Variants in ARAP1 observed in about 807,000 individuals in gnomAD.
ARAP1 encodes the protein ArfGAP with RhoGAP domain, ankyrin repeat and PH domain 1, also known as arf-GAP with Rho-GAP domain, ANK repeat and PH domain-containing protein 1.
Under a neutral mutation model 172.2 loss-of-function variants are expected in ARAP1, and 76 were observed. The observed-to-expected ratio is 0.44, with a 90% CI of 0.37 to 0.53. ARAP1 has a LOEUF of 0.53. Among genes scored for constraint, ARAP1 ranks in the 20% least tolerant of loss-of-function variants. ARAP1 has a pLI of 0.00. For missense variants in ARAP1, 1,686 were observed against 1,977.5 expected (o/e 0.85, Z 2.80); for synonymous variants, 804 against 803.3 (o/e 1.00, Z -0.01).
chr11:72,687,466 C>A lies in ARAP1; in HGVS notation c.4158G>T (p.Glu1386Asp), dbSNP rs769144837. The A allele has an allele frequency of 1.2e-6, 2 of 1,614,078 alleles. No homozygotes were observed. The highest frequency in any genetic ancestry group is 2.7e-5 in the African/African-American group (2 of 74,914). Residue 1386 changes from glutamate (E) to aspartate (D), a missense_variant, in exon 33 of 35, where the codon GAG (glutamate) becomes GAT (aspartate). Coordinates refer to ENST00000393609, the MANE Select transcript of ARAP1 (RefSeq NM_001040118.3). The part of the protein sequence containing the change: ...LCCDTQMELR[E>D]WFATFLFVQH... ...GCACAAACAGAAAGGTAGCGAACCACTCCCGGAGCTCCATCTGTGTGTCAC... is the reference window on the plus strand; with the variant it reads ...GCACAAACAGAAAGGTAGCGAACCAATCCCGGAGCTCCATCTGTGTGTCAC...
In ARAP1 at chr11:72,693,148, G is replaced by C; in HGVS notation, c.3954+177C>G. 1.0e-6 allele frequency: 1 copy of C among 996,548 alleles called. No homozygotes were observed. The highest frequency in any genetic ancestry group is 3.2e-4 in the Middle Eastern group (1 of 3,112). The allele number at this position is 996,548 out of a possible 1,614,324, so 61.7% of individuals were successfully genotyped here. The stretch of plus-strand genomic sequence containing the variant: ...TAGTGGGGCTACAGGGCACACTAGA[G>C]TGGCCGTCCAGGGCCACAGCAGGAG... On this transcript the variant is annotated intron_variant, in intron 29 of 34. Transcript: ENST00000393609. The surrounding 1 kb of genome is among the most constrained non-coding windows in gnomAD (Gnocchi z 4.6).
At position 72,697,088 on chromosome 11, in the gene ARAP1, C is replaced by T. The variant is rs779132655; in HGVS notation, c.3061G>A (p.Glu1021Lys). The change falls in exon 22 of 35, where the codon GAG becomes AAG. Residue 1021 changes from glutamate (E) to lysine (K), a missense_variant. Coordinates refer to ENST00000393609, the MANE Select transcript of ARAP1 (RefSeq NM_001040118.3). ...GAGGAAACATCATCCACGTGCTGCT[C>T]GCCCTCCTTGAGGTGCACAGAGCGC... ...DARSVHLKEGEQHVDDVSSAL... is the reference protein window; with the variant it reads ...DARSVHLKEGKQHVDDVSSAL... 2.5e-6 allele frequency: 4 copies of T among 1,609,554 alleles called. No homozygotes were observed. Among genetic ancestry groups the T allele is most frequent in the Non-Finnish European group, 3.4e-6 (4 of 1,179,924 alleles).
At chr11:72,721,118 T>C (rs1857489787) in intron 3 of ARAP1, among the ~76,000 whole-genome samples, 1 of 152,154 alleles carries the variant, frequency 6.6e-6, no homozygotes, top group Non-Finnish European at 1.5e-5. Flanking sequence ...AGTTATCCGC[T>C]GGGCCCTATG....
At chr11:72,731,135 C>A (rs142797877) in intron 2 of ARAP1, among the ~76,000 whole-genome samples, 10 of 152,128 alleles carry the variant, frequency 6.6e-5, no homozygotes, top group African/African-American at 2.4e-4. Context: ...CCTCCTAGGA[C>A]GAAAACTAAG....
chr11:72,714,736 A>C (rs1857201062), intron 3 of ARAP1, among the ~76,000 whole-genome samples: 1 of 152,158 alleles, frequency 6.6e-6, no homozygotes, highest in Non-Finnish European at 1.5e-5. Flanking sequence ...ATGAGCTGCA[A>C]GGCCCGAGGC....
At chr11:72,721,491 GC>G (rs1857509053) in intron 3 of ARAP1, among the ~76,000 whole-genome samples, 1 of 152,130 alleles carries the variant, frequency 6.6e-6, no homozygotes, top group Non-Finnish European at 1.5e-5. Flanking sequence ...TCAGCACCAG[GC>G]CCCCAAGGGG....
At chr11:72,687,585 C>T (rs1313693121) in intron 32 of ARAP1, 83 bp from the exon 33 acceptor site, 1 of 1,612,340 alleles carries the variant, frequency 6.2e-7, no homozygotes, top group Non-Finnish European at 8.5e-7. Flanking sequence ...AGCCCAGGGT[C>T]TGCTAGTGGT....
chr11:72,742,111 G>T (rs1055677355), intron 1 of ARAP1, among the ~76,000 whole-genome samples: 2 of 152,098 alleles, frequency 1.3e-5, no homozygotes, highest in East Asian at 3.9e-4. Context: ...GAGACAGGGG[G>T]ACCAGCCCCA....
In ARAP1 at chr11:72,709,958, C is replaced by T; in HGVS notation, c.1435G>A (p.Gly479Ser). The change falls in exon 11 of 35, where the codon GGC becomes AGC. Residue 479 changes from glycine (G) to serine (S), a missense_variant. This residue lies in a region of ARAP1 where 688 missense variants were observed against 856.9 expected (regional missense o/e 0.80). Coordinates refer to ENST00000393609, the MANE Select transcript of ARAP1 (RefSeq NM_001040118.3). The stretch of plus-strand genomic sequence containing the variant: ...ACGCTCATGTCGATGAAGGTGATGC[C>T]AATGCCCAGGTGGTACTCCTGGAGG... ...KNLEEYHLGIGITFIDMSVGN... is the reference protein window; with the variant it reads ...KNLEEYHLGISITFIDMSVGN... 1 of 1,614,020 alleles carries T rather than the reference C, an allele frequency of 6.2e-7. No individual in the cohort carries two copies. Among genetic ancestry groups the T allele is most frequent in the Non-Finnish European group, 8.5e-7 (1 of 1,179,982 alleles).
In ARAP1 at chr11:72,705,844, C is replaced by T. The variant is rs879153247; in HGVS notation, c.1770G>A (p.Leu590=). 1.2e-6 allele frequency: 2 copies of T among 1,614,154 alleles called. No individual in the cohort carries two copies. Among genetic ancestry groups the T allele is most frequent in the South Asian group, 2.2e-5 (2 of 91,084 alleles). ...CTGTCCACACCTTCCTGTCCATCTTCAGGCTCCGCACCTTGGAGACGCCAG... is the reference window on the plus strand; with the variant it reads ...CTGTCCACACCTTCCTGTCCATCTTTAGGCTCCGCACCTTGGAGACGCCAG... ...LGAGVSKVRS[L]KMDRKVWTET... The change falls in exon 13 of 35, where the codon CTG becomes CTA. Residue 590 remains leucine (L), a synonymous_variant. Transcript: ENST00000393609.
intron 1 of ARAP1, among the ~76,000 whole-genome samples, chr11:72,739,715 C>G (rs1318461905): frequency 6.6e-6 from 1 of 152,220 alleles, no homozygotes; most frequent in Non-Finnish European, 1.5e-5. Flanking sequence ...GCGTGCTCTT[C>G]TGCTCACTCC....
chr11:72,734,079 G>GC lies in ARAP1; in HGVS notation c.-127-1483dup, dbSNP rs113131229. Among the ~76,000 whole-genome samples the GC allele has an allele frequency of 6.3e-4, 96 of 151,772 alleles. 1 individual carries two copies. The highest frequency in any genetic ancestry group is 2.2e-3 in the African/African-American group (90 of 41,372). On this transcript the variant is annotated intron_variant, in intron 1 of 34. Transcript: ENST00000393609. ...GACCTCAAGTGATCCACCCACCTCA[G>GC]CCCCCCCAGTTGCTAGAAGTACAGG...
At chr11:72,742,597 A>T (rs1274383442) in intron 1 of ARAP1, among the ~76,000 whole-genome samples, 1 of 152,004 alleles carries the variant, frequency 6.6e-6, no homozygotes, top group Non-Finnish European at 1.5e-5. Flanking sequence ...CCATGCTAAG[A>T]CCCCGATCCT....
chr11:72,711,421 AG>A lies in ARAP1; in HGVS notation c.1092+8del, dbSNP rs1239201972. 6.2e-7 allele frequency: 1 copy of A among 1,611,520 alleles called. No individual in the cohort carries two copies. Among genetic ancestry groups the A allele is most frequent in the Non-Finnish European group, 8.5e-7 (1 of 1,177,854 alleles). On this transcript the variant is annotated splice_region_variant and intron_variant, in intron 8 of 34. Transcript: ENST00000393609. The stretch of plus-strand genomic sequence containing the variant: ...GCAGGGGTCGCGTCAGGACTGATGC[AG>A]GCCTCACCTTGTTACTGTCAAAGTA...
In ARAP1 at chr11:72,704,284, G is replaced by GTTGGCTGCCCAGAAGCGGT; in HGVS notation, c.1841_1859dup (p.Asn620LysfsTer12). ...GCTGCAGGGCCTCACTGGGGGGCAC[G>GTTGGCTGCCCAGAAGCGGT]TTGGCTGCCCAGAAGCGGTTCCCAG... On this transcript the variant is annotated frameshift_variant, in exon 14 of 35. Transcript: ENST00000393609. LOFTEE classifies it high-confidence loss of function. The GTTGGCTGCCCAGAAGCGGT allele has an allele frequency of 6.2e-7, 1 of 1,611,382 alleles. No individual in the cohort carries two copies.
intron 4 of ARAP1, 63 bp downstream of exon 4, chr11:72,714,089 G>C (rs1857167010): frequency 7.2e-7 from 1 of 1,382,702 alleles, no homozygotes; most frequent in Admixed American, 3.4e-5. Context: ...ACCTTCCAGA[G>C]GCCTGATTCC....
chr11:72,695,130 G>C lies in ARAP1; in HGVS notation c.3577-33C>G. 6.2e-7 allele frequency: 1 copy of C among 1,603,996 alleles called. No homozygotes were observed. The highest frequency in any genetic ancestry group is 1.1e-5 in the South Asian group (1 of 90,792). On this transcript the variant is annotated intron_variant, in intron 26 of 34. Transcript: ENST00000393609. This position sits in a 1 kb window ranked among gnomAD's most constrained non-coding sequence, Gnocchi z 4.4. ...GACCAAGGAGGAGATTAGCCTGCCTGTGCCTAGCCCCTGCTCTGCCACAAC... is the reference window on the plus strand; with the variant it reads ...GACCAAGGAGGAGATTAGCCTGCCTCTGCCTAGCCCCTGCTCTGCCACAAC...
At chr11:72,742,264 G>A (rs540066184) in intron 1 of ARAP1, among the ~76,000 whole-genome samples, 7 of 152,210 alleles carry the variant, frequency 4.6e-5, no homozygotes, top group South Asian at 2.1e-4. Context: ...CACCTGATCC[G>A]GCCACCCCTG....
chr11:72,733,064 G>A (rs545436042), intron 1 of ARAP1, among the ~76,000 whole-genome samples: 27 of 152,126 alleles, frequency 1.8e-4, no homozygotes, highest in Admixed American at 5.2e-4. Context: ...GAAAGGATTC[G>A]GGGAACCTCA....
Sources: allele counts gnomAD v4.1 joint callset (sites outside exome capture counted in the v4.1 genomes callset), GRCh38; gene constraint gnomAD v4.1.1; regional missense constraint gnomAD v4.1.1; non-coding constraint Gnocchi (gnomAD v3.1); transcripts MANE v1.5; gene names NCBI Gene and HGNC (gene_info 2026-07-23, HGNC 2026-07-21).